AOPEP: variants seen among roughly 807,000 people sequenced by gnomAD.
The protein encoded by AOPEP is aminopeptidase O.
Under a neutral mutation model 98.1 loss-of-function variants are expected in AOPEP, and 77 were observed. The ratio of observed to expected loss-of-function variants is 0.78; its 90% CI spans 0.65 to 0.95. The LOEUF (loss-of-function observed/expected upper bound fraction) is 0.95. Ranked by LOEUF, AOPEP falls within the 40% of genes least tolerant of loss-of-function variation. AOPEP has a pLI of 0.00. For synonymous variants in AOPEP, 346 were observed against 365.3 expected, an observed-to-expected ratio of 0.95 and a Z score of 0.60; for missense variants, 1,024 against 1,024.7, an observed-to-expected ratio of 1.00 and a Z score of 0.01.
intron 2 of AOPEP, among the ~76,000 whole-genome samples, chr9:94,768,676 C>G (rs1391479844): frequency 6.6e-6 from 1 of 152,210 alleles, no homozygotes; most frequent in Non-Finnish European, 1.5e-5. Flanking sequence ...CCTGTCCTAC[C>G]CTGTTTTTCT....
chr9:94,819,820 G>A (rs2165716), intron 5 of AOPEP, among the ~76,000 whole-genome samples: 118,568 of 151,650 alleles, frequency 0.78, 47,810 homozygotes, highest in Non-Finnish European at 0.89. Context: ...CAATCCTCCC[G>A]CCTTGGCCTT....
At chr9:95,047,935 A>G (rs993140261) in intron 13 of AOPEP, among the ~76,000 whole-genome samples, 4 of 152,190 alleles carry the variant, frequency 2.6e-5, no homozygotes, top group African/African-American at 9.7e-5. Context: ...GCTGATTAAG[A>G]ATTGTATAAA....
rs1245203083 is a variant in AOPEP at position 94,909,842 on chromosome 9, C to T, written c.1365-14144C>T. 3.3e-5 allele frequency among the ~76,000 whole-genome samples: 5 copies of T among 152,156 alleles called. No individual in the cohort carries two copies. The East Asian group carries it at 9.6e-4, about 29-fold the overall frequency. ...ACTTAAACGGCTGTCATGAGTCCGC[C>T]ATGGCACACAGCAGCTCCCACCCCA... On this transcript the variant is annotated intron_variant, in intron 5 of 16. Transcript: ENST00000375315.
chr9:94,876,628 G>A (rs1270180257), intron 5 of AOPEP, among the ~76,000 whole-genome samples: 3 of 152,182 alleles, frequency 2.0e-5, no homozygotes, highest in Non-Finnish European at 4.4e-5. Flanking sequence ...GCCTCCCAAA[G>A]TGCTGGGATT....
intron 11 of AOPEP, among the ~76,000 whole-genome samples, chr9:94,982,884 A>G (rs1410548521): frequency 1.3e-5 from 2 of 152,194 alleles, no homozygotes; most frequent in African/African-American, 4.8e-5. Flanking sequence ...CCATAGCCAT[A>G]TATTCTAGTC....
At chr9:94,888,294 C>CGTGTGTGTGTGTGTGT (rs59342995) in intron 5 of AOPEP, among the ~76,000 whole-genome samples, 92 of 137,690 alleles carry the variant, frequency 6.7e-4, no homozygotes, top group South Asian at 1.0e-3. Flanking sequence ...AGAACCTTAC[C>CGTGTGTGTGTGTGTGT]GTGTGTGTGT....
At chr9:94,986,430 TA>T (rs534862634) in intron 11 of AOPEP, among the ~76,000 whole-genome samples, 15 of 152,296 alleles carry the variant, frequency 9.8e-5, no homozygotes, top group African/African-American at 3.6e-4. Flanking sequence ...CTATTTACCT[TA>T]TTCACAGTAC....
chr9:94,746,822 T>C (rs1834585703), intron 1 of AOPEP, among the ~76,000 whole-genome samples: 3 of 152,186 alleles, frequency 2.0e-5, no homozygotes, highest in Admixed American at 6.5e-5. Context: ...GGTAGACATA[T>C]ACTGATGGAA....
chr9:94,763,293 T>A (rs1293273563), intron 2 of AOPEP: 2 of 228,928 alleles, frequency 8.7e-6, no homozygotes, highest in Non-Finnish European at 1.9e-5. Flanking sequence ...TTTCTTTTTT[T>A]AAATTAGACA....
chr9:95,036,050 A>C (rs2064792313), intron 13 of AOPEP, among the ~76,000 whole-genome samples: 2 of 152,164 alleles, frequency 1.3e-5, no homozygotes, highest in African/African-American at 4.8e-5. Context: ...GGGATTATGC[A>C]AATATTTGTG....
At chr9:94,991,978 A>G (rs1589191623) in intron 11 of AOPEP, among the ~76,000 whole-genome samples, 1 of 152,252 alleles carries the variant, frequency 6.6e-6, no homozygotes, top group Non-Finnish European at 1.5e-5. Flanking sequence ...CAGGCCACCC[A>G]AACAAACAAA....
chr9:95,128,318 G>A, the AOPEP span, among the ~76,000 whole-genome samples: 2 of 152,230 alleles, frequency 1.3e-5, no homozygotes, highest in African/African-American at 4.8e-5. Flanking sequence ...ACAACAACAT[G>A]CCTATTGAAT....
intron 3 of AOPEP, among the ~76,000 whole-genome samples, chr9:94,792,399 A>AT (rs1051063068): frequency 2.6e-5 from 4 of 151,780 alleles, no homozygotes; most frequent in African/African-American, 4.8e-5. Flanking sequence ...TCAATTGAGC[A>AT]TTTTTTTTAA....
Position 94,760,106 on chromosome 9 carries a change from A to G in AOPEP, c.323A>G (p.Asp108Gly). 6.2e-7 allele frequency: 1 copy of G among 1,614,208 alleles called. No homozygotes were observed. The highest frequency in any genetic ancestry group is 8.5e-7 in the Non-Finnish European group (1 of 1,180,038). The stretch of plus-strand genomic sequence containing the variant: ...GCAATCTGTAGTAAAGGTGAAAAAG[A>G]TACTTCTGATAAAGATGGTAACCAT... ...DFAICSKGEK[D>G]TSDKDGNHDN... The change falls in exon 2 of 17, where the codon GAT (aspartate) becomes GGT (glycine). Residue 108 changes from aspartate to glycine, a missense_variant. By Grantham distance (94) the Asp-to-Gly change is moderately conservative. This residue lies in a region of AOPEP where 440 missense variants were observed against 433.8 expected (regional missense o/e 1.01). Transcript: ENST00000375315.
In AOPEP at chr9:94,866,025, A is replaced by G. The variant is rs549714439; in HGVS notation, c.1365-57961A>G. Among the ~76,000 whole-genome samples, 6 of 152,352 alleles carry G rather than the reference A, an allele frequency of 3.9e-5. No individual in the cohort carries two copies. The East Asian group carries it at 1.2e-3, about 29-fold the overall frequency. On this transcript the variant is annotated intron_variant, in intron 5 of 16. Coordinates refer to ENST00000375315, the MANE Select transcript of AOPEP (RefSeq NM_001193329.3). ...TGCAAATGGCATCATTGTGAAAATT[A>G]GAAACTATTAATTTACGTACAGAAA...
intron 11 of AOPEP, among the ~76,000 whole-genome samples, chr9:94,998,538 A>G (rs555197054): frequency 6.6e-6 from 1 of 152,322 alleles, no homozygotes; most frequent in South Asian, 2.1e-4. Context: ...CTAGTCATTT[A>G]GAAGTTGATA....
Position 94,879,303 on chromosome 9 carries a change from C to A in AOPEP, c.1365-44683C>A, listed in dbSNP as rs534006223. Among the ~76,000 whole-genome samples, 13 of 152,318 alleles carry A rather than the reference C, an allele frequency of 8.5e-5. No homozygotes were observed. In the South Asian group the frequency reaches 2.7e-3, roughly 32 times the overall value. On this transcript the variant is annotated intron_variant, in intron 5 of 16. Transcript: ENST00000375315. ...GTTTTAAACTATAAACTAAGTAATT[C>A]CCAAAGTTAGTTCAGCATATGTGCA...
chr9:94,988,916 T>C (rs961743142), intron 11 of AOPEP, among the ~76,000 whole-genome samples: 1 of 151,592 alleles, frequency 6.6e-6, no homozygotes, highest in South Asian at 2.1e-4. Context: ...TCCTTTCTTT[T>C]TTTTTTTTTT....
chr9:94,823,439 C>G (rs766484452), intron 5 of AOPEP, among the ~76,000 whole-genome samples: 1 of 152,168 alleles, frequency 6.6e-6, no homozygotes, highest in Admixed American at 6.5e-5. Flanking sequence ...TCTGGAAATT[C>G]ATTTTGTTGA....
Sources: allele counts gnomAD v4.1 joint callset (sites outside exome capture counted in the v4.1 genomes callset), GRCh38; gene constraint gnomAD v4.1.1; regional missense constraint gnomAD v4.1.1; transcripts MANE v1.5; gene names NCBI Gene and HGNC (gene_info 2026-07-23, HGNC 2026-07-21).